Variants in GRXCR2 observed in about 807,000 individuals in gnomAD.
GRXCR2 encodes the protein glutaredoxin domain-containing cysteine-rich protein 2.
In GRXCR2, 23 loss-of-function variants were observed where a neutral mutation model predicts 24.8. The observed-to-expected ratio is 0.93, with a 90% confidence interval of 0.67 to 1.32. The LOEUF (loss-of-function observed/expected upper bound fraction) is 1.32, where lower values mean the gene tolerates loss of function less well. Among genes scored for constraint, GRXCR2 ranks in the 40% most tolerant of loss-of-function variants. GRXCR2 has a pLI of 0.00. For missense variants in GRXCR2, 315 were observed against 303.4 expected (o/e 1.04, Z -0.28); for synonymous variants, 130 against 116.1 (o/e 1.12, Z -0.77).
chr5:145,925,275 A>C (rs1757374655), intron 2 of GRXCR2, among the ~76,000 whole-genome samples: 1 of 152,226 alleles, frequency 6.6e-6, no homozygotes, highest in South Asian at 2.1e-4. Flanking sequence ...TGCCAGAAAA[A>C]GATAAACTAT....
In GRXCR2 at chr5:145,911,329, G is replaced by A. The variant is rs555742916; in HGVS notation, c.-70+24372C>T. On this transcript the variant is annotated intron_variant, in intron 2 of 3. Coordinates refer to the GRXCR2 transcript ENST00000639411. ...AAGAGGTCAGGTGTCACGGTCTGGCGTCCCCTGTGCATTGCAGTGATGGCT... is the reference window on the plus strand; with the variant it reads ...AAGAGGTCAGGTGTCACGGTCTGGCATCCCCTGTGCATTGCAGTGATGGCT... Among the ~76,000 whole-genome samples, 8 of 152,286 alleles carry A rather than the reference G, an allele frequency of 5.3e-5. No individual in the cohort carries two copies. The East Asian group carries it at 1.2e-3, about 22-fold the overall frequency.
At chr5:145,871,374 T>C (rs1287744996) in intron 1 of GRXCR2, among the ~76,000 whole-genome samples, 1 of 152,130 alleles carries the variant, frequency 6.6e-6, no homozygotes, top group African/African-American at 2.4e-5. Flanking sequence ...CATCAGAAGA[T>C]CTGGATTCTT....
chr5:145,904,090 T>C (rs1183516352), intron 2 of GRXCR2, among the ~76,000 whole-genome samples: 1 of 152,160 alleles, frequency 6.6e-6, no homozygotes, highest in Non-Finnish European at 1.5e-5. Flanking sequence ...GAGTGGGGTC[T>C]GACTAACCCC....
chr5:145,867,815 G>A (rs1358574100), intron 1 of GRXCR2, among the ~76,000 whole-genome samples: 3 of 152,180 alleles, frequency 2.0e-5, no homozygotes, highest in Non-Finnish European at 4.4e-5. Context: ...CCAGCTGGTA[G>A]GCATCACCAC....
intron 2 of GRXCR2, among the ~76,000 whole-genome samples, chr5:145,897,270 CAT>C (rs1756964863): frequency 2.0e-5 from 3 of 151,140 alleles, no homozygotes; most frequent in Non-Finnish European, 4.4e-5. Flanking sequence ...TACATACATA[CAT>C]ACATACATAC....
chr5:145,920,712 C>T (rs1428579549), intron 2 of GRXCR2, among the ~76,000 whole-genome samples: 5 of 152,314 alleles, frequency 3.3e-5, no homozygotes, highest in African/African-American at 1.2e-4. Context: ...ACATGCTGAA[C>T]ATCAGTTACA....
At chr5:145,886,307 T>G (rs1235131939) in intron 2 of GRXCR2, among the ~76,000 whole-genome samples, 1 of 152,174 alleles carries the variant, frequency 6.6e-6, no homozygotes, top group Non-Finnish European at 1.5e-5. Context: ...TTCCTTGTAC[T>G]TTGAAATGCC....
intron 1 of GRXCR2, among the ~76,000 whole-genome samples, chr5:145,870,593 C>A (rs1378003309): frequency 6.6e-6 from 1 of 152,176 alleles, no homozygotes; most frequent in Non-Finnish European, 1.5e-5. Context: ...AATTATTGCA[C>A]TTAATTGCTA....
chr5:145,872,935 T>A lies in GRXCR2; in HGVS notation c.34A>T (p.Ser12Cys). 2 of 1,614,106 alleles carry A rather than the reference T, an allele frequency of 1.2e-6. No individual in the cohort carries two copies. The highest frequency in any genetic ancestry group is 8.5e-7 in the Non-Finnish European group (1 of 1,179,940). Residue 12 changes from serine to cysteine, a missense_variant, in exon 1 of 3, where the codon AGT (serine) becomes TGT (cysteine). Transcript: ENST00000377976. ...CGTACTTTCCGGGGTTTGCCATCAC[T>A]CTTCTGATTCAGCTTTTTCTCAGGG... Reference protein sequence around the residue: ...EDPEKKLNQKSDGKPRKVRFK... With the variant: ...EDPEKKLNQKCDGKPRKVRFK...
intron 2 of GRXCR2, among the ~76,000 whole-genome samples, chr5:145,884,390 G>C (rs946210239): frequency 2.6e-5 from 4 of 152,002 alleles, no homozygotes; most frequent in African/African-American, 9.7e-5. Flanking sequence ...ATTTCTTCCT[G>C]GGGAAATTTT....
chr5:145,904,123 C>G (rs1161772407), intron 2 of GRXCR2, among the ~76,000 whole-genome samples: 3 of 152,120 alleles, frequency 2.0e-5, no homozygotes, highest in African/African-American at 7.2e-5. Context: ...GAATGTGGAT[C>G]TCTGCCCAGA....
chr5:145,877,148 T>C (rs1756630641), upstream of GRXCR2, among the ~76,000 whole-genome samples: 2 of 152,162 alleles, frequency 1.3e-5, no homozygotes, highest in Non-Finnish European at 2.9e-5. Flanking sequence ...GAAAGAAAGA[T>C]ATTTATTTAA....
In GRXCR2 at chr5:145,926,719, T is replaced by C. The variant is rs150470254; in HGVS notation, c.-70+8982A>G. Among the ~76,000 whole-genome samples, 637 of 152,330 alleles carry C rather than the reference T, an allele frequency of 4.2e-3. 4 individuals are homozygous for C. The highest frequency in any genetic ancestry group is 0.014 in the African/African-American group (592 of 41,580). On this transcript the variant is annotated intron_variant, in intron 2 of 3. Transcript: ENST00000639411. ...TTGACTTGGCAATGCAGGCTCTTTT[T>C]TGGTTCCATATGAACTTCAAAGTAG...
intron 2 of GRXCR2, among the ~76,000 whole-genome samples, chr5:145,897,094 T>G (rs1756961908): frequency 8.1e-6 from 1 of 122,818 alleles, no homozygotes. Context: ...TGAGAACACA[T>G]GGACACAGGA....
intron 2 of GRXCR2, among the ~76,000 whole-genome samples, chr5:145,892,188 C>T (rs1207160424): frequency 2.0e-5 from 3 of 152,152 alleles, no homozygotes; most frequent in Non-Finnish European, 4.4e-5. Flanking sequence ...AGGGAAAAAA[C>T]AGAGCAGAAA....
At chr5:145,902,166 G>T (rs1757034476) in intron 2 of GRXCR2, among the ~76,000 whole-genome samples, 1 of 152,002 alleles carries the variant, frequency 6.6e-6, no homozygotes, top group African/African-American at 2.4e-5. Flanking sequence ...TGTGATTATA[G>T]CTCTCTGCAG....
intron 2 of GRXCR2, among the ~76,000 whole-genome samples, chr5:145,885,125 GTC>G (rs1256650522): frequency 5.3e-5 from 8 of 150,388 alleles, no homozygotes; most frequent in African/African-American, 2.0e-4. Flanking sequence ...GTGTGTGTCT[GTC>G]TGTCTGTCTG....
rs1237358559 is a variant in GRXCR2, at chr5:145,895,028, C to T, written c.-69-28300G>A. 2.0e-5 allele frequency among the ~76,000 whole-genome samples: 3 copies of T among 152,082 alleles called. No individual in the cohort carries two copies. The South Asian group carries it at 6.2e-4, about 31-fold the overall frequency. On this transcript the variant is annotated intron_variant, in intron 2 of 3. Coordinates refer to the GRXCR2 transcript ENST00000639411. ...TCCAGCATATAAACAGAACCAACGA[C>T]AAAAACCACATGACTACCTCAACAG...
chr5:145,881,697 A>G (rs1197370524), intron 2 of GRXCR2, among the ~76,000 whole-genome samples: 2 of 152,214 alleles, frequency 1.3e-5, no homozygotes, highest in East Asian at 1.9e-4. Flanking sequence ...ACCAAAAAAG[A>G]CCCCACATTG....
Sources: allele counts gnomAD v4.1 joint callset (sites outside exome capture counted in the v4.1 genomes callset), GRCh38; gene constraint gnomAD v4.1.1; transcripts MANE v1.5; gene names NCBI Gene and HGNC (gene_info 2026-07-23, HGNC 2026-07-21).